CLN8: variants seen among roughly 807,000 people sequenced by gnomAD.
The protein encoded by CLN8 is protein CLN8.
In CLN8, 14 loss-of-function variants were observed where a neutral mutation model predicts 15.7. The observed-to-expected ratio is 0.89, with a 90% CI of 0.59 to 1.39. The LOEUF (loss-of-function observed/expected upper bound fraction) is 1.39, where lower values mean the gene tolerates loss of function less well. Among genes scored for constraint, CLN8 ranks in the 40% most tolerant of loss-of-function variants. The pLI is 0.00. For synonymous variants in CLN8, 188 were observed against 151.0 expected, an observed-to-expected ratio of 1.25 and a Z score of -1.80; for missense variants, 415 against 364.0, an observed-to-expected ratio of 1.14 and a Z score of -1.14.
At position 1,781,887 on chromosome 8, in the gene CLN8, C is replaced by T. The variant is rs1470850123; in HGVS notation, c.*1320C>T. 4 of 152,002 alleles carry T rather than the reference C, an allele frequency of 2.6e-5. No individual in the cohort carries two copies. Among genetic ancestry groups the T allele is most frequent in the African/African-American group, 9.7e-5 (4 of 41,420 alleles). 9.4% of individuals were successfully genotyped at this position (152,002 alleles called of 1,614,324 possible). On this transcript the variant is annotated 3_prime_UTR_variant, in exon 3 of 3. Transcript: ENST00000331222. Reference sequence around the variant, plus strand: ...ATGATGAGTCCCAAGGTACATTGTTCTACTGTTTTATACCCAGGTAGAAGT... The same window carrying T: ...ATGATGAGTCCCAAGGTACATTGTTTTACTGTTTTATACCCAGGTAGAAGT...
At chr8:1,756,680 CTT>C (rs751314711) in intron 1 of CLN8, among the ~76,000 whole-genome samples, 21 of 125,690 alleles carry the variant, frequency 1.7e-4, no homozygotes, top group East Asian at 4.5e-4. Flanking sequence ...TTAAGCATTC[CTT>C]TTTTTTTTTT....
chr8:1,782,828 A>G lies in CLN8; in HGVS notation c.*2261A>G, dbSNP rs1014753298. On this transcript the variant is annotated 3_prime_UTR_variant, in exon 3 of 3. Transcript: ENST00000331222. ...GAATTCGATTTGGAGTTGGAAGTGG[A>G]CAGCCTAATTTTTATCTCACCTCCA... The G allele has an allele frequency of 6.6e-6, 1 of 152,264 alleles. No individual in the cohort carries two copies. The highest frequency in any genetic ancestry group is 2.4e-5 in the African/African-American group (1 of 41,472). 9.4% of individuals were successfully genotyped at this position (152,264 alleles called of 1,614,324 possible). A position where few individuals can be genotyped will look rare whatever the true frequency, so the allele number is the denominator to read the frequency against.
chr8:1,754,057 C>T (rs1800612583), upstream of CLN8, among the ~76,000 whole-genome samples: 1 of 152,158 alleles, frequency 6.6e-6, no homozygotes, highest in Admixed American at 6.6e-5. Flanking sequence ...ACAAATAACT[C>T]AGTCTTCCTG....
rs553828796 is a variant in CLN8, at chr8:1,786,091, C to G, written c.*5524C>G. 1 of 153,012 alleles carries G rather than the reference C, an allele frequency of 6.5e-6. No homozygotes were observed. Among genetic ancestry groups the G allele is most frequent in the Non-Finnish European group, 1.5e-5 (1 of 68,504 alleles). The allele number at this position is 153,012 out of a possible 1,614,324, so 9.5% of individuals were successfully genotyped here. ...GCCTGCGGGGGCTCTCTATCGGGGT[C>G]TTCGAGAGCCAGACAGCCTGCCTTG... On this transcript the variant is annotated 3_prime_UTR_variant, in exon 3 of 3. Coordinates refer to ENST00000331222, the MANE Select transcript of CLN8 (RefSeq NM_018941.4).
At chr8:1,778,714 C>T (rs1801607714) in intron 2 of CLN8, among the ~76,000 whole-genome samples, 1 of 152,226 alleles carries the variant, frequency 6.6e-6, no homozygotes, top group African/African-American at 2.4e-5. Context: ...CTGAGGTCCC[C>T]TCTGAGACCT....
chr8:1,757,934 C>A (rs1462567178), intron 1 of CLN8, among the ~76,000 whole-genome samples: 1 of 152,122 alleles, frequency 6.6e-6, no homozygotes, highest in Non-Finnish European at 1.5e-5. Context: ...GTCTAGCTTT[C>A]ATGTTGGAGG....
intron 1 of CLN8, among the ~76,000 whole-genome samples, chr8:1,756,424 C>T (rs1180320924): frequency 6.7e-6 from 1 of 148,836 alleles, no homozygotes; most frequent in Non-Finnish European, 1.5e-5. Context: ...GCAGAGGTTG[C>T]AGTGAGCCGA....
rs112785178 is a variant in CLN8 at position 1,785,362 on chromosome 8, G to A, written c.*4795G>A. The A allele has an allele frequency of 0.05, 7,270 of 145,058 alleles. 35 individuals carry two copies. Among genetic ancestry groups the A allele is most frequent in the Non-Finnish European group, 0.074 (4,913 of 66,750 alleles). 9.0% of individuals were successfully genotyped at this position (145,058 alleles called of 1,614,324 possible). A position where few individuals can be genotyped will look rare whatever the true frequency, so the allele number is the denominator to read the frequency against. On this transcript the variant is annotated 3_prime_UTR_variant, in exon 3 of 3. Coordinates refer to ENST00000331222, the MANE Select transcript of CLN8 (RefSeq NM_018941.4). ...GATTACGGTGGCACAGGCGGCGTGG[G>A]GTTAGACAGGTACCGGTCAGATTAC...
At chr8:1,766,741 C>T (rs1801077960) in intron 1 of CLN8, among the ~76,000 whole-genome samples, 1 of 152,190 alleles carries the variant, frequency 6.6e-6, no homozygotes, top group South Asian at 2.1e-4. Context: ...TCCAGCTGTG[C>T]ATTACACTTA....
upstream of CLN8, chr8:1,761,967 G>C (rs1230425727): frequency 1.3e-5 from 2 of 152,196 alleles, no homozygotes; most frequent in East Asian, 1.9e-4. Context: ...TAATTTGTTA[G>C]TCCTACAAAG....
intron 1 of CLN8, among the ~76,000 whole-genome samples, chr8:1,756,839 C>T (rs913332417): frequency 2.0e-5 from 3 of 152,006 alleles, no homozygotes; most frequent in African/African-American, 7.2e-5. Flanking sequence ...ACCACCACCA[C>T]ACCTGGTTAA....
Position 1,780,251 on chromosome 8 carries a change from C to T in CLN8, c.545C>T (p.Ala182Val), listed in dbSNP as rs541994118. Residue 182 changes from alanine to valine, a missense_variant and splice_region_variant, in exon 3 of 3, where the codon GCG becomes GTG. Transcript: ENST00000331222. ...TGCATTTGTCTTCTCTCCATGCAGG[C>T]GGGCTGGTCCGAGTCTCTGTTTTGG... ...FTCVSWMLLK[A>V]GWSESLFWKL... The T allele has an allele frequency of 2.0e-5, 33 of 1,614,266 alleles. No individual in the cohort carries two copies. The highest frequency in any genetic ancestry group is 8.0e-5 in the African/African-American group (6 of 75,074).
At position 1,783,742 on chromosome 8, in the gene CLN8, T is replaced by C. The variant is rs947354950; in HGVS notation, c.*3175T>C. The C allele has an allele frequency of 6.6e-6, 1 of 152,204 alleles. No individual in the cohort carries two copies. The highest frequency in any genetic ancestry group is 1.5e-5 in the Non-Finnish European group (1 of 68,056). The allele number at this position is 152,204 out of a possible 1,614,324, so 9.4% of individuals were successfully genotyped here. On this transcript the variant is annotated 3_prime_UTR_variant, in exon 3 of 3. Coordinates refer to ENST00000331222, the MANE Select transcript of CLN8 (RefSeq NM_018941.4). ...GTATTGCGCTTAAGGGACATGATTTTCCATTTTCTTCGCCCGGACAACTTG... is the reference window on the plus strand; with the variant it reads ...GTATTGCGCTTAAGGGACATGATTTCCCATTTTCTTCGCCCGGACAACTTG...
rs149780749 is a variant in CLN8 at position 1,768,674 on chromosome 8, C to T, written c.-123-2258C>T. On this transcript the variant is annotated intron_variant, in intron 1 of 2. Coordinates refer to ENST00000331222, the MANE Select transcript of CLN8 (RefSeq NM_018941.4). ...TTCCTTGCCTGATACCTGTCCTTTC[C>T]ACCCAGCCTGCTTTTCTTTAATGCT... is the stretch of plus-strand genomic sequence containing the variant. Among the ~76,000 whole-genome samples, 331 of 152,274 alleles carry T rather than the reference C, an allele frequency of 2.2e-3. 3 individuals are homozygous for T. Among genetic ancestry groups the T allele is most frequent in the African/African-American group, 7.5e-3 (312 of 41,558 alleles).
chr8:1,758,435 G>A (rs999821074), intron 1 of CLN8: 1 of 152,182 alleles, frequency 6.6e-6, no homozygotes, highest in Non-Finnish European at 1.5e-5. Flanking sequence ...TGCATAAGGT[G>A]GTTGGGTTCT....
At chr8:1,769,766 A>G (rs917685307) in intron 1 of CLN8, among the ~76,000 whole-genome samples, 3 of 152,192 alleles carry the variant, frequency 2.0e-5, no homozygotes, top group African/African-American at 7.2e-5. Context: ...CCCTTTCAGC[A>G]TGATTCAGCA....
In CLN8 at chr8:1,780,638, G is replaced by T; in HGVS notation, c.*71G>T. The T allele has an allele frequency of 7.0e-7, 1 of 1,424,350 alleles. No homozygotes were observed. The highest frequency in any genetic ancestry group is 9.8e-7 in the Non-Finnish European group (1 of 1,020,396). The allele number at this position is 1,424,350 out of a possible 1,614,324, so 88.2% of individuals were successfully genotyped here. On this transcript the variant is annotated 3_prime_UTR_variant, in exon 3 of 3. Coordinates refer to ENST00000331222, the MANE Select transcript of CLN8 (RefSeq NM_018941.4). ...ATTCTGGGAAGCCCCGCGAATGATG[G>T]CTTTTGAATTAATGAGGCAGTGAAT...
intron 1 of CLN8, among the ~76,000 whole-genome samples, chr8:1,756,493 A>AG (rs886916351): frequency 1.3e-5 from 2 of 151,636 alleles, no homozygotes; most frequent in African/African-American, 4.9e-5. Context: ...CAAAAAAAAA[A>AG]AAAGAAATTT....
Position 1,781,952 on chromosome 8 carries a change from A to ATT in CLN8, c.*1386_*1387dup, listed in dbSNP as rs1554452052. 1.1e-5 allele frequency: 1 copy of ATT among 87,852 alleles called. No individual in the cohort carries two copies. The highest frequency in any genetic ancestry group is 1.1e-4 in the Admixed American group (1 of 9,430). The allele number at this position is 87,852 out of a possible 1,614,324, so 5.4% of individuals were successfully genotyped here. A position where few individuals can be genotyped will look rare whatever the true frequency, so the allele number is the denominator to read the frequency against. ...GCAATGTTGTTAACAGACATACAGA[A>ATT]TTGTGTGTGTGTGTGTGTGTGTGTG... On this transcript the variant is annotated 3_prime_UTR_variant, in exon 3 of 3. Transcript: ENST00000331222.
Sources: allele counts gnomAD v4.1 joint callset (sites outside exome capture counted in the v4.1 genomes callset), GRCh38; gene constraint gnomAD v4.1.1; transcripts MANE v1.5; gene names NCBI Gene and HGNC (gene_info 2026-07-23, HGNC 2026-07-21).